Variants in NEGR1 observed in about 807,000 individuals in gnomAD.
NEGR1 encodes IgLON family member 4.
In NEGR1, 10 loss-of-function variants were observed where a neutral mutation model predicts 40.9. That is an observed-to-expected ratio of 0.24 (90% CI 0.15 to 0.42). The LOEUF is 0.42. Ranked by LOEUF, NEGR1 falls within the 10% of genes least tolerant of loss-of-function variation. NEGR1 has a pLI of 1.00. For missense variants in NEGR1, 352 were observed against 438.9 expected (o/e 0.80, Z 1.77); for synonymous variants, 185 against 166.8 (o/e 1.11, Z -0.84).
chr1:71,671,700 C>CT (rs2101600356), intron 4 of NEGR1, among the ~76,000 whole-genome samples: 1 of 152,134 alleles, frequency 6.6e-6, no homozygotes, highest in East Asian at 1.9e-4. Context: ...ATACCATGGC[C>CT]AGGGTTCTTC....
chr1:71,838,569 T>C (rs777079342), intron 2 of NEGR1, among the ~76,000 whole-genome samples: 15 of 152,188 alleles, frequency 9.9e-5, no homozygotes, highest in Non-Finnish European at 1.3e-4. Flanking sequence ...TTTAGTTTAC[T>C]GATCAGCTAA....
At chr1:71,648,699 C>A (rs1651612206) in intron 4 of NEGR1, among the ~76,000 whole-genome samples, 1 of 151,982 alleles carries the variant, frequency 6.6e-6, no homozygotes, top group South Asian at 2.1e-4. Flanking sequence ...ACGGTTCAAT[C>A]ACAGAAATTG....
chr1:72,157,015 G>A (rs922010250), intron 1 of NEGR1, among the ~76,000 whole-genome samples: 3 of 151,942 alleles, frequency 2.0e-5, no homozygotes, highest in Admixed American at 6.6e-5. Flanking sequence ...CAGGCTGGAA[G>A]GCAGTGGTAC....
intron 1 of NEGR1, among the ~76,000 whole-genome samples, chr1:72,086,989 TGAGTTA>T (rs1322010240): frequency 1.3e-5 from 2 of 152,106 alleles, no homozygotes; most frequent in Non-Finnish European, 2.9e-5. Flanking sequence ...TTAGAAAATT[TGAGTTA>T]GAGTTATTTC....
intron 6 of NEGR1, among the ~76,000 whole-genome samples, chr1:71,528,046 CT>C (rs977286464): frequency 2.0e-5 from 3 of 151,228 alleles, no homozygotes; most frequent in Non-Finnish European, 4.4e-5. Flanking sequence ...GGTTCAAACG[CT>C]TTGCTAAGTG....
chr1:72,001,522 G>A (rs779109603), intron 1 of NEGR1, among the ~76,000 whole-genome samples: 4 of 150,928 alleles, frequency 2.7e-5, no homozygotes, highest in Non-Finnish European at 5.9e-5. Flanking sequence ...ATAAGATCCT[G>A]GCATGTGAAT....
chr1:71,512,105 C>T (rs1647077373), intron 6 of NEGR1, among the ~76,000 whole-genome samples: 1 of 152,096 alleles, frequency 6.6e-6, no homozygotes, highest in Non-Finnish European at 1.5e-5. Context: ...TCTTTATTCT[C>T]AAATAAAACC....
intron 1 of NEGR1, among the ~76,000 whole-genome samples, chr1:71,937,620 G>A (rs1340364122): frequency 6.6e-6 from 1 of 152,166 alleles, no homozygotes; most frequent in Non-Finnish European, 1.5e-5. Flanking sequence ...TCATAATCAA[G>A]TCTTCTCTTT....
intron 2 of NEGR1, among the ~76,000 whole-genome samples, chr1:71,888,368 C>T (rs1280101519): frequency 2.0e-5 from 3 of 152,098 alleles, no homozygotes; most frequent in South Asian, 2.1e-4. Flanking sequence ...GCCCACCGTG[C>T]GCGAGCCTAA....
At chr1:72,108,843 T>C (rs1355368443) in intron 1 of NEGR1, among the ~76,000 whole-genome samples, 1 of 151,704 alleles carries the variant, frequency 6.6e-6, no homozygotes, top group African/African-American at 2.4e-5. Flanking sequence ...CTAAGTTAGG[T>C]ATTAATTTTA....
chr1:71,464,763 C>G (rs1285511684), intron 6 of NEGR1, among the ~76,000 whole-genome samples: 1 of 152,038 alleles, frequency 6.6e-6, no homozygotes, highest in East Asian at 1.9e-4. Context: ...CTGCCTCACC[C>G]CTGTGTATGT....
At chr1:71,919,500 T>C (rs1645680067) in intron 2 of NEGR1, among the ~76,000 whole-genome samples, 1 of 151,438 alleles carries the variant, frequency 6.6e-6, no homozygotes, top group Non-Finnish European at 1.5e-5. Flanking sequence ...CTTAACCTTT[T>C]TTTTTTTTTT....
chr1:71,694,830 T>C (rs1015531167), intron 4 of NEGR1, among the ~76,000 whole-genome samples: 1 of 151,814 alleles, frequency 6.6e-6, no homozygotes, highest in Non-Finnish European at 1.5e-5. Flanking sequence ...AAAGTTTCTC[T>C]TCAAATTATA....
At chr1:71,810,263 A>T (rs956100813) in intron 2 of NEGR1, among the ~76,000 whole-genome samples, 2 of 152,062 alleles carry the variant, frequency 1.3e-5, no homozygotes, top group African/African-American at 4.8e-5. Flanking sequence ...TCAAATTATT[A>T]AAAAAGTGTC....
intron 1 of NEGR1, among the ~76,000 whole-genome samples, chr1:71,968,354 A>G (rs1281343610): frequency 6.6e-6 from 1 of 152,210 alleles, no homozygotes; most frequent in Non-Finnish European, 1.5e-5. Context: ...CAACTTTGGG[A>G]TATCAGATTT....
chr1:71,674,378 C>T (rs1220660421), intron 4 of NEGR1, among the ~76,000 whole-genome samples: 1 of 152,148 alleles, frequency 6.6e-6, no homozygotes, highest in East Asian at 1.9e-4. Flanking sequence ...CAATCCAGGA[C>T]ACACTGATAC....
chr1:72,040,937 C>T (rs1646948145), intron 1 of NEGR1, among the ~76,000 whole-genome samples: 1 of 151,960 alleles, frequency 6.6e-6, no homozygotes, highest in Admixed American at 6.6e-5. Flanking sequence ...ATCAGAAGCA[C>T]TCTATCCCTC....
intron 2 of NEGR1, among the ~76,000 whole-genome samples, chr1:71,927,928 G>A (rs1013842075): frequency 6.8e-6 from 1 of 147,080 alleles, no homozygotes; most frequent in Non-Finnish European, 1.5e-5. Context: ...AGGCCAGGGA[G>A]GTTGAGGCTG....
intron 2 of NEGR1, among the ~76,000 whole-genome samples, chr1:71,896,815 C>T (rs1660987804): frequency 6.6e-6 from 1 of 152,132 alleles, no homozygotes; most frequent in Non-Finnish European, 1.5e-5. Flanking sequence ...TATCTTTCCC[C>T]CATTGAAAGT....
Sources: allele counts gnomAD v4.1 joint callset (sites outside exome capture counted in the v4.1 genomes callset), GRCh38; gene constraint gnomAD v4.1.1; transcripts MANE v1.5; gene names NCBI Gene and HGNC (gene_info 2026-07-23, HGNC 2026-07-21).